Variants in BIN1 observed in about 807,000 individuals in gnomAD.
The protein encoded by BIN1 is bridging integrator 1.
In BIN1, 53 loss-of-function variants were observed where a neutral mutation model predicts 82.0. That is an observed-to-expected ratio of 0.65 (90% CI 0.52 to 0.81). The LOEUF (loss-of-function observed/expected upper bound fraction) is 0.81. BIN1 is among the 40% of genes least tolerant of loss of function. The pLI, the probability that BIN1 is intolerant of heterozygous loss-of-function variation, is 0.00. For synonymous variants in BIN1, 302 were observed against 328.0 expected (o/e 0.92, Z 0.86); for missense variants, 642 against 784.4 (o/e 0.82, Z 2.17).
intron 5 of BIN1, among the ~76,000 whole-genome samples, chr2:127,069,598 C>A (rs2105064874): frequency 6.6e-6 from 1 of 152,346 alleles, no homozygotes; most frequent in South Asian, 2.1e-4. Context: ...TAGACCCAGA[C>A]AACAGGTGAC....
rs536766763 is a variant in BIN1 at position 127,082,468 on chromosome 2, G to A, written c.85-5762C>T. Among the ~76,000 whole-genome samples the A allele has an allele frequency of 2.8e-4, 43 of 152,122 alleles. No individual in the cohort carries two copies. Among genetic ancestry groups the A allele is most frequent in the South Asian group, 1.9e-3 (9 of 4,810 alleles). ...AGTCTGCACCGAGACCAGGGTTGGC[G>A]TGGGCAGGCCATGGTGGGCGCCCAG... On this transcript the variant is annotated intron_variant, in intron 1 of 18. Transcript: ENST00000316724. The surrounding 1 kb of genome is among the most constrained non-coding windows in gnomAD (Gnocchi z 6.1).
Position 127,048,487 on chromosome 2 carries a change from G to T in BIN1, c.*39C>A. The T allele has an allele frequency of 6.4e-7, 1 of 1,561,724 alleles. No homozygotes were observed. Among genetic ancestry groups the T allele is most frequent in the Non-Finnish European group, 8.8e-7 (1 of 1,133,146 alleles). On this transcript the variant is annotated 3_prime_UTR_variant, in exon 19 of 19. Coordinates refer to ENST00000316724, the MANE Select transcript of BIN1 (RefSeq NM_139343.3). ...AGAACCACACATTTTTCGGGAGGAG[G>T]TGTTCTTCACACGCCCGGAGGCTGC...
rs1459843487 is a variant in BIN1, at chr2:127,107,152, G to C, written c.-209C>G. The C allele has an allele frequency of 6.6e-6, 3 of 452,918 alleles. No homozygotes were observed. Among genetic ancestry groups the C allele is most frequent in the African/African-American group, 2.1e-5 (1 of 48,244 alleles). 28.1% of individuals were successfully genotyped at this position (452,918 alleles called of 1,614,324 possible). A position where few individuals can be genotyped will look rare whatever the true frequency, so the allele number is the denominator to read the frequency against. ...CTAGCCAGCGAGCGACGCGGGGACAGAGGGAGGGAGAGGGGAGGGGCCGGG... is the reference window on the plus strand; with the variant it reads ...CTAGCCAGCGAGCGACGCGGGGACACAGGGAGGGAGAGGGGAGGGGCCGGG... On this transcript the variant is annotated 5_prime_UTR_variant, in exon 1 of 19. Transcript: ENST00000316724. This position sits in a 1 kb window ranked among gnomAD's most constrained non-coding sequence, Gnocchi z 5.9.
At position 127,067,578 on chromosome 2, in the gene BIN1, T is replaced by C. The variant is rs1052324703; in HGVS notation, c.612+585A>G. On this transcript the variant is annotated intron_variant, in intron 7 of 18. Coordinates refer to ENST00000316724, the MANE Select transcript of BIN1 (RefSeq NM_139343.3). The surrounding 1 kb of genome is among the most constrained non-coding windows in gnomAD (Gnocchi z 4.7). Reference sequence around the variant, plus strand: ...TTCCCCTCCACGTCTCAGCATCCCATCCAGACTGGAGGGTCCTCCCAGTAA... The same window carrying C: ...TTCCCCTCCACGTCTCAGCATCCCACCCAGACTGGAGGGTCCTCCCAGTAA... Among the ~76,000 whole-genome samples, 23 of 152,080 alleles carry C rather than the reference T, an allele frequency of 1.5e-4. No homozygotes were observed. Among genetic ancestry groups the C allele is most frequent in the African/African-American group, 5.3e-4 (22 of 41,386 alleles).
chr2:127,080,670 A>G (rs1687173573), intron 1 of BIN1, among the ~76,000 whole-genome samples: 1 of 152,066 alleles, frequency 6.6e-6, no homozygotes, highest in African/African-American at 2.4e-5. Flanking sequence ...GCCACACCCA[A>G]TCACCTCCTA....
chr2:127,048,561 C>T lies in BIN1; in HGVS notation c.1747G>A (p.Val583Ile), dbSNP rs759691190. ...QHKELEKCRGVFPENFTERVP is the reference protein window; with the variant it reads ...QHKELEKCRGIFPENFTERVP ...CTCTCAGTGAAGTTCTCGGGGAAGA[C>T]GCCACGGCACTTCTCCAGCTCCTTG... The change falls in exon 19 of 19, where the codon GTC (valine) becomes ATC (isoleucine). Residue 583 changes from valine (V) to isoleucine (I), a missense_variant. Coordinates refer to ENST00000316724, the MANE Select transcript of BIN1 (RefSeq NM_139343.3). 1.9e-5 allele frequency: 31 copies of T among 1,613,824 alleles called. No individual in the cohort carries two copies. The highest frequency in any genetic ancestry group is 1.8e-4 in the East Asian group (8 of 44,900).
intron 1 of BIN1, among the ~76,000 whole-genome samples, chr2:127,091,790 G>A (rs779162431): frequency 4.6e-5 from 7 of 151,980 alleles, no homozygotes; most frequent in Admixed American, 2.0e-4. Flanking sequence ...CCAGATACCC[G>A]GGAGGCTGAA....
chr2:127,060,217 A>G (rs935408218), intron 10 of BIN1, among the ~76,000 whole-genome samples: 5 of 152,242 alleles, frequency 3.3e-5, no homozygotes, highest in Non-Finnish European at 7.3e-5. Context: ...ATGTATAAGT[A>G]TATGGTATAC....
chr2:127,096,453 C>T (rs1679617363), intron 1 of BIN1, among the ~76,000 whole-genome samples: 1 of 152,228 alleles, frequency 6.6e-6, no homozygotes, highest in Admixed American at 6.5e-5. Context: ...TTCCCTCACA[C>T]ATCCTCCCAG....
intron 1 of BIN1, among the ~76,000 whole-genome samples, chr2:127,097,340 C>A (rs186633715): frequency 0.025 from 3,689 of 149,538 alleles, 88 homozygotes; most frequent in Admixed American, 0.076. Context: ...AGGAGCGTCA[C>A]CCCTCCAGGC....
intron 14 of BIN1, chr2:127,053,158 C>T: frequency 1.8e-6 from 1 of 560,676 alleles, no homozygotes; most frequent in African/African-American, 1.9e-5. Context: ...GCTGTGAAAA[C>T]AGGACCAGAT....
chr2:127,050,734 A>G, intron 17 of BIN1, 68 bp downstream of exon 17: 1 of 1,543,132 alleles, frequency 6.5e-7, no homozygotes, highest in South Asian at 1.1e-5. Flanking sequence ...GAGTCTCCTG[A>G]GGCTCAGGGT....
chr2:127,050,537 G>A lies in BIN1; in HGVS notation c.1573-15C>T. 6.2e-7 allele frequency: 1 copy of A among 1,613,984 alleles called. No homozygotes were observed. The highest frequency in any genetic ancestry group is 8.5e-7 in the Non-Finnish European group (1 of 1,179,856). The stretch of plus-strand genomic sequence containing the variant: ...TGGGCCTGTACCTGCAGAGGATGCG[G>A]ATCGCAAGTCAGACCTTCCGTCCCA... On this transcript the variant is annotated splice_polypyrimidine_tract_variant and intron_variant, in intron 17 of 18. Transcript: ENST00000316724.
chr2:127,087,733 T>C (rs1003164017), intron 1 of BIN1, among the ~76,000 whole-genome samples: 1 of 152,024 alleles, frequency 6.6e-6, no homozygotes, highest in African/African-American at 2.4e-5. Flanking sequence ...GAGAGTCCCA[T>C]GTCAGTAAGC....
intron 1 of BIN1, among the ~76,000 whole-genome samples, chr2:127,105,529 T>A (rs1680981769): frequency 6.9e-6 from 1 of 145,282 alleles, no homozygotes; most frequent in African/African-American, 2.5e-5. Flanking sequence ...GTTGGGGAGC[T>A]GGGTCTGGGC....
intron 12 of BIN1, among the ~76,000 whole-genome samples, chr2:127,056,731 T>C (rs1472053005): frequency 6.6e-6 from 1 of 152,168 alleles, no homozygotes; most frequent in African/African-American, 2.4e-5. Context: ...CGGCCACCTC[T>C]GGGCAAATCT....
chr2:127,065,073 G>A (rs1684979434), intron 7 of BIN1: 1 of 152,354 alleles, frequency 6.6e-6, no homozygotes, highest in African/African-American at 2.4e-5. Flanking sequence ...ATGGCCGGAA[G>A]GCCACTTAAC....
At chr2:127,049,183 G>A (rs1001556318) in intron 18 of BIN1, among the ~76,000 whole-genome samples, 1 of 152,228 alleles carries the variant, frequency 6.6e-6, no homozygotes, top group Non-Finnish European at 1.5e-5. Context: ...TGTGCCTGGG[G>A]CCTACCTGGG....
At chr2:127,065,622 C>T (rs1053912715) in intron 7 of BIN1, among the ~76,000 whole-genome samples, 2 of 152,190 alleles carry the variant, frequency 1.3e-5, no homozygotes, top group African/African-American at 4.8e-5. Flanking sequence ...GACCACCCGG[C>T]TCCTGTACCC....
Sources: gnomAD v4.1 joint callset for allele counts (sites outside exome capture counted in the v4.1 genomes callset) on GRCh38, gnomAD v4.1.1 for gene constraint, Gnocchi (gnomAD v3.1) non-coding constraint, MANE v1.5 for transcripts, NCBI Gene and HGNC (gene_info 2026-07-23, HGNC 2026-07-21) for gene names.